The following CD247 variants were observed in gnomAD, a reference collection of about 807,000 sequenced individuals.
The protein encoded by CD247 is CD247 molecule.
A neutral mutation model predicts 30.0 loss-of-function variants in CD247; 13 were observed. That is an observed-to-expected ratio of 0.43 (90% confidence interval 0.28 to 0.69). CD247 has a LOEUF of 0.69. CD247 is among the 30% of genes least tolerant of loss of function. CD247 has a pLI of 0.16. For missense variants in CD247, 193 were observed against 212.6 expected, an observed-to-expected ratio of 0.91 and a Z score of 0.57; for synonymous variants, 72 against 80.0, an observed-to-expected ratio of 0.90 and a Z score of 0.53.
At chr1:167,468,460 T>C (rs1653365868) in intron 1 of CD247, among the ~76,000 whole-genome samples, 1 of 152,214 alleles carries the variant, frequency 6.6e-6, no homozygotes, top group Admixed American at 6.5e-5. Context: ...CTCAGGCCTC[T>C]CTGATGGGAG....
At chr1:167,506,537 T>C (rs1237751320) in intron 1 of CD247, among the ~76,000 whole-genome samples, 1 of 152,036 alleles carries the variant, frequency 6.6e-6, no homozygotes, top group East Asian at 1.9e-4. Context: ...CTCTCTTTTT[T>C]ATTTTTTTTG....
Position 167,433,041 on chromosome 1 carries a change from G to A in CD247, c.412C>T (p.His138Tyr), listed in dbSNP as rs1317007663. The change falls in exon 7 of 8, where the codon CAC (histidine) becomes TAC (tyrosine). Residue 138 changes from histidine (H) to tyrosine (Y), a missense_variant. Physicochemically the swap from His to Tyr is moderately conservative, Grantham distance 83. Transcript: ENST00000362089. ...MKGERRRGKG[H>Y]DGLYQGLSTA... ...GCTCCTACCTGGTAAAGGCCATCGT[G>A]CCCCTTGCCCCTCCGGCGCTGGTTG... is the stretch of plus-strand genomic sequence containing the variant. 1 of 1,614,104 alleles carries A rather than the reference G, an allele frequency of 6.2e-7. No individual in the cohort carries two copies. The highest frequency in any genetic ancestry group is 8.5e-7 in the Non-Finnish European group (1 of 1,180,032).
intron 1 of CD247, among the ~76,000 whole-genome samples, chr1:167,461,621 G>A (rs190507142): frequency 2.1e-3 from 326 of 152,264 alleles, no homozygotes; most frequent in African/African-American, 7.3e-3. Flanking sequence ...AGGCCCAGGC[G>A]GGCGGATCAC....
chr1:167,497,236 A>G (rs1373181825), intron 1 of CD247, among the ~76,000 whole-genome samples: 1 of 152,252 alleles, frequency 6.6e-6, no homozygotes, highest in African/African-American at 2.4e-5. Context: ...ATCCAAGCCT[A>G]GAAGGACAGT....
chr1:167,456,114 C>T (rs923043927), intron 1 of CD247, among the ~76,000 whole-genome samples: 2 of 152,102 alleles, frequency 1.3e-5, no homozygotes, highest in Non-Finnish European at 2.9e-5. Flanking sequence ...CTCTCGGAAT[C>T]AACAGCTGCT....
intron 1 of CD247, among the ~76,000 whole-genome samples, chr1:167,474,387 T>C (rs780268517): frequency 7.2e-5 from 11 of 151,776 alleles, no homozygotes; most frequent in Admixed American, 2.6e-4. Context: ...GGTTAGAGGG[T>C]GGCAGAGGCA....
rs527567063 is a variant in CD247 at position 167,431,676 on chromosome 1, G to A, written c.*5C>T. ...TGGCCTTTGAGTGGTGAAATCCCCT[G>A]GCTGTTAGCGAGGGGGCAGGGCCTG... On this transcript the variant is annotated 3_prime_UTR_variant, in exon 8 of 8. Coordinates refer to ENST00000362089, the MANE Select transcript of CD247 (RefSeq NM_198053.3). 1.2e-6 allele frequency: 2 copies of A among 1,611,750 alleles called. No individual in the cohort carries two copies. Among genetic ancestry groups the A allele is most frequent in the South Asian group, 2.2e-5 (2 of 91,038 alleles).
chr1:167,476,339 A>G (rs1273025732), intron 1 of CD247, among the ~76,000 whole-genome samples: 1 of 152,204 alleles, frequency 6.6e-6, no homozygotes, highest in African/African-American at 2.4e-5. Context: ...CCAAGCAAAT[A>G]GAATGAGCCT....
intron 1 of CD247, among the ~76,000 whole-genome samples, chr1:167,456,593 CA>C (rs2102020923): frequency 6.6e-6 from 1 of 152,306 alleles, no homozygotes; most frequent in South Asian, 2.1e-4. Flanking sequence ...AAGGCCGGCC[CA>C]GGGGTCTGCC....
At chr1:167,500,296 C>A (rs1003485560) in intron 1 of CD247, among the ~76,000 whole-genome samples, 2 of 152,212 alleles carry the variant, frequency 1.3e-5, no homozygotes, top group Non-Finnish European at 2.9e-5. Flanking sequence ...GCTTTATTGT[C>A]CTACAGTAAT....
At chr1:167,462,830 C>T (rs1007372269) in intron 1 of CD247, among the ~76,000 whole-genome samples, 1 of 152,224 alleles carries the variant, frequency 6.6e-6, no homozygotes, top group African/African-American at 2.4e-5. Flanking sequence ...TGTCTTCAGA[C>T]TGATACACTC....
intron 1 of CD247, among the ~76,000 whole-genome samples, chr1:167,458,951 C>T (rs150148454): frequency 0.036 from 5,343 of 150,288 alleles, 332 homozygotes; most frequent in African/African-American, 0.12. Context: ...GGTGAAACCC[C>T]GTCTCTACTA....
intron 1 of CD247, among the ~76,000 whole-genome samples, chr1:167,471,214 C>T (rs1193694821): frequency 6.6e-6 from 1 of 152,076 alleles, no homozygotes; most frequent in Admixed American, 6.5e-5. Context: ...GAAACATGTA[C>T]CCTAAAAGAC....
chr1:167,487,076 A>G (rs1479643933), intron 1 of CD247, among the ~76,000 whole-genome samples: 3 of 149,702 alleles, frequency 2.0e-5, no homozygotes, highest in Non-Finnish European at 4.5e-5. Flanking sequence ...TCCATTTCAA[A>G]AAAAAAAAAA....
At chr1:167,443,566 G>A (rs1275634949) in intron 1 of CD247, among the ~76,000 whole-genome samples, 1 of 152,204 alleles carries the variant, frequency 6.6e-6, no homozygotes, top group African/African-American at 2.4e-5. Flanking sequence ...TCACTCAGCT[G>A]CTTGTCACAG....
chr1:167,454,441 G>A (rs1399220929), intron 1 of CD247, among the ~76,000 whole-genome samples: 1 of 152,220 alleles, frequency 6.6e-6, no homozygotes, highest in East Asian at 1.9e-4. Context: ...GAAGGTGTGT[G>A]CGGCAAGATT....
At chr1:167,448,259 A>G (rs1402379720) in intron 1 of CD247, 1 of 609,650 alleles carries the variant, frequency 1.6e-6, no homozygotes, top group Non-Finnish European at 2.1e-6. Context: ...AGAAGTTAAT[A>G]ACATGCCTAA....
intron 1 of CD247, among the ~76,000 whole-genome samples, chr1:167,492,354 G>A (rs908256173): frequency 2.6e-5 from 4 of 152,124 alleles, no homozygotes; most frequent in African/African-American, 7.2e-5. Flanking sequence ...CCCCTGCGGC[G>A]CCAACTAGAC....
At chr1:167,459,152 A>G (rs1271521067) in intron 1 of CD247, among the ~76,000 whole-genome samples, 2 of 151,536 alleles carry the variant, frequency 1.3e-5, no homozygotes, top group East Asian at 1.9e-4. Flanking sequence ...TTAAAAAAAA[A>G]AAAATCATGG....
Sources: gnomAD v4.1 joint callset for allele counts (sites outside exome capture counted in the v4.1 genomes callset) on GRCh38, gnomAD v4.1.1 for gene constraint, MANE v1.5 for transcripts, NCBI Gene and HGNC (gene_info 2026-07-23, HGNC 2026-07-21) for gene names.